The following DNER variants were observed in gnomAD, a reference collection of about 807,000 sequenced individuals.
The protein encoded by DNER is delta/notch like EGF repeat containing.
DNER carries 33 observed loss-of-function variants against 78.2 expected under a neutral mutation model. The ratio of observed to expected loss-of-function variants is 0.42; its 90% CI spans 0.32 to 0.56. The LOEUF (loss-of-function observed/expected upper bound fraction) is 0.56, where lower values mean the gene tolerates loss of function less well. Ranked by LOEUF, DNER falls within the 20% of genes least tolerant of loss-of-function variation. The pLI is 0.11. For missense variants in DNER, 918 were observed against 975.3 expected, an observed-to-expected ratio of 0.94 and a Z score of 0.78; for synonymous variants, 417 against 384.8, an observed-to-expected ratio of 1.08 and a Z score of -0.98.
rs566344200 is a variant in DNER at position 229,617,863 on chromosome 2, G to A, written c.277-25975C>T. On this transcript the variant is annotated intron_variant, in intron 1 of 12. Transcript: ENST00000341772. ...GCTACTTAGGAGGCTGTGGTGGGAG[G>A]ATCGCTTGAGCCCAGGAGGTCAAAA... 2.6e-3 allele frequency among the ~76,000 whole-genome samples: 390 copies of A among 152,234 alleles called. 4 individuals are homozygous for A. The highest frequency in any genetic ancestry group is 0.012 in the South Asian group (59 of 4,814).
At chr2:229,489,490 T>G (rs1242540560) in intron 6 of DNER, among the ~76,000 whole-genome samples, 4 of 72,826 alleles carry the variant, frequency 5.5e-5, no homozygotes, top group East Asian at 3.7e-4. Context: ...CATGACTGGG[T>G]GGGTGTGGGG....
chr2:229,660,285 C>G (rs192801277), intron 1 of DNER, among the ~76,000 whole-genome samples: 5 of 152,234 alleles, frequency 3.3e-5, no homozygotes, highest in African/African-American at 1.2e-4. Flanking sequence ...CACCCTCTAC[C>G]CTCCAAAAGG....
chr2:229,560,801 C>T (rs1053600889), intron 4 of DNER, among the ~76,000 whole-genome samples: 11 of 152,262 alleles, frequency 7.2e-5, no homozygotes, highest in African/African-American at 2.4e-4. Flanking sequence ...TACTAACATA[C>T]CTCAGCTGTG....
chr2:229,443,965 T>C (rs1694287164), intron 8 of DNER, among the ~76,000 whole-genome samples: 1 of 152,196 alleles, frequency 6.6e-6, no homozygotes, highest in Admixed American at 6.5e-5. Flanking sequence ...GAAGGCAGTT[T>C]CAGCTCCCAG....
At position 229,416,772 on chromosome 2, in the gene DNER, A is replaced by G. The variant is rs1030007178; in HGVS notation, c.1609+1336T>C. ...ACACATACCCTTTCTTGAGACCCCA[A>G]ATCTTCAGATGACCCCATTCAGGGT... On this transcript the variant is annotated intron_variant, in intron 9 of 12. Transcript: ENST00000341772. Among the ~76,000 whole-genome samples the G allele has an allele frequency of 2.6e-4, 40 of 152,116 alleles. 1 individual carries two copies. Among genetic ancestry groups the G allele is most frequent in the East Asian group, 1.9e-4 (1 of 5,188 alleles).
intron 10 of DNER, 114 bp from the exon 11 acceptor site, chr2:229,388,510 C>T (rs577376646): frequency 8.0e-7 from 1 of 1,244,562 alleles, no homozygotes; most frequent in South Asian, 2.5e-5. Context: ...GCAATAGAGC[C>T]CAACCTGCTG....
chr2:229,709,933 G>A (rs1287758331), intron 1 of DNER, among the ~76,000 whole-genome samples: 7 of 152,072 alleles, frequency 4.6e-5, no homozygotes, highest in African/African-American at 1.7e-4. Context: ...AGAAAAATTG[G>A]CCCAGCCACT....
intron 1 of DNER, among the ~76,000 whole-genome samples, chr2:229,658,592 T>C (rs1310071285): frequency 6.6e-6 from 1 of 152,244 alleles, no homozygotes; most frequent in Non-Finnish European, 1.5e-5. Flanking sequence ...GCACTCACAA[T>C]GTGCCTGTTA....
chr2:229,446,303 G>A (rs182350112), intron 8 of DNER, among the ~76,000 whole-genome samples: 1 of 152,340 alleles, frequency 6.6e-6, no homozygotes, highest in Non-Finnish European at 1.5e-5. Flanking sequence ...GCCCTAAGGA[G>A]GAGAGAGACA....
At chr2:229,429,691 T>C (rs575759901) in intron 8 of DNER, among the ~76,000 whole-genome samples, 1 of 152,300 alleles carries the variant, frequency 6.6e-6, no homozygotes, top group East Asian at 1.9e-4. Flanking sequence ...GACCGCTTAC[T>C]AGAGAAGCAC....
At chr2:229,396,303 C>G (rs910133312) in intron 10 of DNER, among the ~76,000 whole-genome samples, 1 of 119,738 alleles carries the variant, frequency 8.4e-6, no homozygotes, top group Non-Finnish European at 1.8e-5. Flanking sequence ...TTAGTTTACA[C>G]GACTTTAGTA....
At chr2:229,528,103 T>C (rs1696240014) in intron 5 of DNER, among the ~76,000 whole-genome samples, 1 of 152,216 alleles carries the variant, frequency 6.6e-6, no homozygotes, top group South Asian at 2.1e-4. Context: ...CCTGCAAGAT[T>C]AGAACTCCAA....
intron 1 of DNER, among the ~76,000 whole-genome samples, chr2:229,691,408 T>A (rs1699569623): frequency 6.6e-6 from 1 of 152,122 alleles, no homozygotes; most frequent in Admixed American, 6.5e-5. Context: ...GAGTTTCTAG[T>A]CCTAAATGAG....
At chr2:229,453,849 G>A (rs1352834938) in intron 7 of DNER, among the ~76,000 whole-genome samples, 1 of 150,170 alleles carries the variant, frequency 6.7e-6, no homozygotes, top group Non-Finnish European at 1.5e-5. Context: ...ACAGACGGAT[G>A]GATGAATAGA....
intron 1 of DNER, among the ~76,000 whole-genome samples, chr2:229,669,705 C>T (rs903310548): frequency 3.3e-5 from 5 of 152,068 alleles, no homozygotes; most frequent in Admixed American, 1.3e-4. Context: ...CATGATTTGG[C>T]TCTCTGTCTA....
At chr2:229,439,719 C>A (rs1694194553) in intron 8 of DNER, among the ~76,000 whole-genome samples, 2 of 152,152 alleles carry the variant, frequency 1.3e-5, no homozygotes, top group African/African-American at 4.8e-5. Context: ...CCATCTGACC[C>A]TCCAGGGCCA....
intron 11 of DNER, among the ~76,000 whole-genome samples, chr2:229,377,666 C>A (rs1053148057): frequency 2.6e-5 from 4 of 152,144 alleles, no homozygotes; most frequent in African/African-American, 9.7e-5. Flanking sequence ...TCTGTGTGGT[C>A]TGTTAGATTT....
At chr2:229,438,478 T>C (rs1694170354) in intron 8 of DNER, among the ~76,000 whole-genome samples, 1 of 152,202 alleles carries the variant, frequency 6.6e-6, no homozygotes, top group African/African-American at 2.4e-5. Flanking sequence ...TCTCAATGCC[T>C]CCATTACCTT....
chr2:229,538,543 G>GT (rs372352192), intron 5 of DNER, among the ~76,000 whole-genome samples: 17 of 150,306 alleles, frequency 1.1e-4, no homozygotes, highest in East Asian at 7.9e-4. Flanking sequence ...TTTGTTTTTT[G>GT]TTTTTTTTTA....
Sources: gnomAD v4.1 joint callset for allele counts (sites outside exome capture counted in the v4.1 genomes callset) on GRCh38, gnomAD v4.1.1 for gene constraint, MANE v1.5 for transcripts, NCBI Gene and HGNC (gene_info 2026-07-23, HGNC 2026-07-21) for gene names.